MKLN1: variants seen among roughly 807,000 people sequenced by gnomAD.
MKLN1 encodes muskelin.
In MKLN1, 18 loss-of-function variants were observed where a neutral mutation model predicts 99.0. That is an observed-to-expected ratio of 0.18 (90% CI 0.13 to 0.27). MKLN1 has a LOEUF of 0.27. MKLN1 is among the 10% of genes least tolerant of loss of function. The probability of loss-of-function intolerance (pLI) is 1.00; values close to 1 mark genes in which losing one functional copy is unlikely to be tolerated. For synonymous variants in MKLN1, 288 were observed against 293.2 expected (o/e 0.98, Z 0.18); for missense variants, 621 against 875.9 (o/e 0.71, Z 3.67).
intron 3 of MKLN1, among the ~76,000 whole-genome samples, chr7:131,250,071 A>T (rs1379046274): frequency 6.6e-6 from 1 of 152,208 alleles, no homozygotes; most frequent in Non-Finnish European, 1.5e-5. Context: ...AGAAGGAAAT[A>T]ATGTGGGCCC....
At chr7:131,158,153 A>G (rs1486694486) in intron 2 of MKLN1, among the ~76,000 whole-genome samples, 1 of 152,160 alleles carries the variant, frequency 6.6e-6, no homozygotes, top group East Asian at 1.9e-4. Context: ...TCTTATTGAG[A>G]CTTCTTGTTA....
intron 2 of MKLN1, among the ~76,000 whole-genome samples, chr7:131,377,417 C>G (rs922284052): frequency 6.6e-6 from 1 of 152,018 alleles, no homozygotes; most frequent in African/African-American, 2.4e-5. Flanking sequence ...TTGCTTTTTC[C>G]TATTTACATT....
At chr7:131,278,461 C>T (rs1209314945) in intron 3 of MKLN1, among the ~76,000 whole-genome samples, 2 of 152,074 alleles carry the variant, frequency 1.3e-5, no homozygotes, top group Non-Finnish European at 1.5e-5. Context: ...AAAGCTTGTC[C>T]AGCTTTGAAG....
chr7:131,452,699 C>T (rs546233806), intron 12 of MKLN1, among the ~76,000 whole-genome samples: 4 of 151,952 alleles, frequency 2.6e-5, no homozygotes, highest in East Asian at 1.9e-4. Flanking sequence ...TACAGGCATG[C>T]GCCACTACGC....
At chr7:131,235,061 A>T (rs1334171273) in intron 3 of MKLN1, among the ~76,000 whole-genome samples, 1 of 152,216 alleles carries the variant, frequency 6.6e-6, no homozygotes, top group African/African-American at 2.4e-5. Context: ...CATGAAGAAC[A>T]CGGGGCTCTT....
intron 3 of MKLN1, among the ~76,000 whole-genome samples, chr7:131,290,397 T>C (rs1165169139): frequency 2.0e-5 from 3 of 152,320 alleles, no homozygotes; most frequent in African/African-American, 4.8e-5. Context: ...TAATACTCTA[T>C]GTAAATTTGC....
At chr7:131,459,617 C>A (rs1796454705) in intron 12 of MKLN1, among the ~76,000 whole-genome samples, 1 of 152,040 alleles carries the variant, frequency 6.6e-6, no homozygotes, top group Non-Finnish European at 1.5e-5. Flanking sequence ...GATTTTTATT[C>A]CTCTGTATAT....
intron 2 of MKLN1, among the ~76,000 whole-genome samples, chr7:131,174,787 C>T (rs574905036): frequency 4.1e-4 from 62 of 152,206 alleles, no homozygotes; most frequent in African/African-American, 1.3e-3. Context: ...ATATTTACTG[C>T]TACCTGCCAA....
At chr7:131,475,765 C>G (rs1562885336) in intron 16 of MKLN1, among the ~76,000 whole-genome samples, 1 of 152,128 alleles carries the variant, frequency 6.6e-6, no homozygotes, top group Admixed American at 6.5e-5. Flanking sequence ...GAGCTGTGAT[C>G]ATACCACTGC....
At chr7:131,280,272 T>A (rs573336207) in intron 3 of MKLN1, among the ~76,000 whole-genome samples, 4 of 152,362 alleles carry the variant, frequency 2.6e-5, no homozygotes, top group Admixed American at 2.6e-4. Context: ...AGCATTCACG[T>A]ACAGGTTTCC....
intron 1 of MKLN1, among the ~76,000 whole-genome samples, chr7:131,111,233 G>T (rs1478108151): frequency 6.6e-6 from 1 of 152,176 alleles, no homozygotes; most frequent in East Asian, 1.9e-4. Flanking sequence ...GGGAACCCAA[G>T]CTCCTGCTGC....
At chr7:131,400,938 G>A (rs1794526539) in intron 6 of MKLN1, among the ~76,000 whole-genome samples, 1 of 152,120 alleles carries the variant, frequency 6.6e-6, no homozygotes, top group Admixed American at 6.5e-5. Flanking sequence ...AACTGGCCTG[G>A]AACACTGTTA....
chr7:131,221,650 G>A (rs1046434593), intron 3 of MKLN1, among the ~76,000 whole-genome samples: 6 of 151,116 alleles, frequency 4.0e-5, no homozygotes, highest in Non-Finnish European at 8.8e-5. Flanking sequence ...TGGGATTACA[G>A]GTGTGTGCCA....
At chr7:131,138,491 C>T (rs1274613163) in intron 1 of MKLN1, among the ~76,000 whole-genome samples, 2 of 152,076 alleles carry the variant, frequency 1.3e-5, no homozygotes, top group African/African-American at 4.8e-5. Context: ...GATAATAGCC[C>T]TTACTAGTAT....
rs541388066 is a variant in MKLN1, at chr7:131,467,803, A to G, written c.1928+1388A>G. Among the ~76,000 whole-genome samples, 5 of 152,336 alleles carry G rather than the reference A, an allele frequency of 3.3e-5. No individual in the cohort carries two copies. In the South Asian group the frequency reaches 1.0e-3, roughly 32 times the overall value. ...AAATCATTCTGCATGTTCTTCCCGA[A>G]GAACTGGGTAAAACTCGTGGCTGCT... On this transcript the variant is annotated intron_variant, in intron 15 of 17. Transcript: ENST00000352689.
chr7:131,172,317 T>C (rs1437363150), intron 2 of MKLN1, among the ~76,000 whole-genome samples: 15 of 78,850 alleles, frequency 1.9e-4, no homozygotes, highest in African/African-American at 7.1e-4. Flanking sequence ...ATTTTTGTAT[T>C]TTTTTTTTTT....
chr7:131,288,987 A>T (rs1449057572), intron 3 of MKLN1, among the ~76,000 whole-genome samples: 1 of 151,858 alleles, frequency 6.6e-6, no homozygotes, highest in African/African-American at 2.4e-5. Context: ...AAAAAAAAAA[A>T]TTATTTTTTT....
intron 3 of MKLN1, among the ~76,000 whole-genome samples, chr7:131,209,483 T>C (rs1302330971): frequency 6.6e-6 from 1 of 152,170 alleles, no homozygotes; most frequent in Non-Finnish European, 1.5e-5. Context: ...CGATGGCTTG[T>C]ATGTAAGATA....
chr7:131,412,125 G>A (rs1166772907), intron 7 of MKLN1, among the ~76,000 whole-genome samples: 1 of 151,808 alleles, frequency 6.6e-6, no homozygotes, highest in Non-Finnish European at 1.5e-5. Context: ...TAAATAAAAA[G>A]CAGATGTTTA....
Sources: allele counts gnomAD v4.1 joint callset (sites outside exome capture counted in the v4.1 genomes callset), GRCh38; gene constraint gnomAD v4.1.1; transcripts MANE v1.5; gene names NCBI Gene and HGNC (gene_info 2026-07-23, HGNC 2026-07-21).